Variants in CUX1 observed in about 807,000 individuals in gnomAD.
CUX1 encodes protein CASP.
Under a neutral mutation model 158.8 loss-of-function variants are expected in CUX1, and 31 were observed. The observed-to-expected ratio is 0.20, with a 90% CI of 0.15 to 0.26. The LOEUF is 0.26. Ranked by LOEUF, CUX1 falls within the 10% of genes least tolerant of loss-of-function variation. The pLI, the probability that CUX1 is intolerant of heterozygous loss-of-function variation, is 1.00. For synonymous variants in CUX1, 879 were observed against 862.1 expected (o/e 1.02, Z -0.34); for missense variants, 1,589 against 2,014.6 (o/e 0.79, Z 4.04).
At chr7:102,213,986 T>A (rs1554523900) in intron 20 of CUX1, among the ~76,000 whole-genome samples, 1 of 152,010 alleles carries the variant, frequency 6.6e-6, no homozygotes, top group Non-Finnish European at 1.5e-5. Context: ...TACAAAAAAA[T>A]TAGCTGGGTG....
chr7:102,137,614 C>T (rs530051818), intron 8 of CUX1, among the ~76,000 whole-genome samples: 1 of 152,022 alleles, frequency 6.6e-6, no homozygotes, highest in East Asian at 1.9e-4. Context: ...CCAGCCTGGG[C>T]GAGAAGAGTG....
intron 3 of CUX1, among the ~76,000 whole-genome samples, chr7:102,028,643 G>C (rs1203602825): frequency 2.0e-5 from 3 of 152,320 alleles, no homozygotes; most frequent in Admixed American, 6.5e-5. Flanking sequence ...GTAGAAGGAA[G>C]TGGTTTCTAA....
rs1443837908 is a variant in CUX1, at chr7:102,048,231, G to T, written c.189+20086G>T. ...CTCTCCTCCCCTCCACCCTCTCCTG[G>T]TCCTGTCCTGAAATCTTTGGCTCCC... On this transcript the variant is annotated intron_variant, in intron 3 of 23. Coordinates refer to ENST00000292535, the MANE Select transcript of CUX1 (RefSeq NM_181552.4). Among the ~76,000 whole-genome samples the T allele has an allele frequency of 3.9e-5, 6 of 152,174 alleles. No individual in the cohort carries two copies. The East Asian group carries it at 1.2e-3, about 29-fold the overall frequency.
intron 1 of CUX1, among the ~76,000 whole-genome samples, chr7:101,841,806 C>T (rs1258297714): frequency 1.3e-5 from 2 of 152,082 alleles, no homozygotes; most frequent in Admixed American, 6.6e-5. Flanking sequence ...ATGAGCCACC[C>T]ACCTCAGCCT....
At chr7:102,214,278 C>G (rs529595169) in intron 20 of CUX1, among the ~76,000 whole-genome samples, 28 of 152,278 alleles carry the variant, frequency 1.8e-4, no homozygotes, top group African/African-American at 5.3e-4. Context: ...AATCCCAACA[C>G]TTTGGGAGGC....
chr7:102,132,298 TGTGTGTGTGTGCGCGCGCGCGC>T (rs777493544), intron 8 of CUX1, among the ~76,000 whole-genome samples: 175 of 20,688 alleles, frequency 8.5e-3, no homozygotes, highest in Non-Finnish European at 0.012. Flanking sequence ...AGAGAGTGTG[TGTGTGTGTGTGCGCGCGCGCGC>T]GCGCACGCCA....
intron 1 of CUX1, among the ~76,000 whole-genome samples, chr7:101,853,701 G>A (rs139154121): frequency 6.6e-6 from 1 of 152,194 alleles, no homozygotes; most frequent in African/African-American, 2.4e-5. Flanking sequence ...CCCCAGGCAT[G>A]GGTATCAGTG....
At chr7:101,817,377 C>A (rs970105103), upstream of CUX1, 1 of 984,566 alleles carries the variant, frequency 1.0e-6, no homozygotes, top group African/African-American at 1.8e-5. This position sits in a 1 kb window ranked among gnomAD's most constrained non-coding sequence, Gnocchi z 4.1. Flanking sequence ...GATGCCTTCT[C>A]GGGCCGGGTT....
chr7:101,856,093 T>C (rs1266249997), intron 1 of CUX1, among the ~76,000 whole-genome samples: 1 of 143,344 alleles, frequency 7.0e-6, no homozygotes, highest in Admixed American at 7.2e-5. Context: ...GGCTGAAGGA[T>C]CGCTTGAGTC....
At chr7:102,020,663 T>C (rs1409208018) in intron 2 of CUX1, among the ~76,000 whole-genome samples, 1 of 152,156 alleles carries the variant, frequency 6.6e-6, no homozygotes, top group Non-Finnish European at 1.5e-5. Flanking sequence ...GTGGATCCCT[T>C]GAGGTCAGGA....
chr7:101,996,726 C>G (rs1378513765), intron 2 of CUX1, among the ~76,000 whole-genome samples: 3 of 146,528 alleles, frequency 2.0e-5, no homozygotes, highest in African/African-American at 7.6e-5. Context: ...TACTTCCTTC[C>G]TCTCTTCCTC....
intron 8 of CUX1, among the ~76,000 whole-genome samples, chr7:102,155,013 G>A (rs1409734077): frequency 1.3e-5 from 2 of 152,300 alleles, no homozygotes; most frequent in Non-Finnish European, 1.5e-5. Flanking sequence ...TTGTGGGTAC[G>A]CAGCAGCTAT....
chr7:102,151,513 C>T (rs1191098756), intron 8 of CUX1, among the ~76,000 whole-genome samples: 1 of 151,910 alleles, frequency 6.6e-6, no homozygotes, highest in African/African-American at 2.4e-5. Context: ...GAGATCATGC[C>T]ATTACACTCC....
chr7:102,015,442 G>A (rs1219730410), intron 2 of CUX1, among the ~76,000 whole-genome samples: 4 of 152,064 alleles, frequency 2.6e-5, no homozygotes, highest in Non-Finnish European at 5.9e-5. Flanking sequence ...TGGCCAGGCT[G>A]GTCTCGAACT....
intron 2 of CUX1, among the ~76,000 whole-genome samples, chr7:101,964,277 TG>T (rs1810867192): frequency 6.6e-6 from 1 of 151,814 alleles, no homozygotes; most frequent in Non-Finnish European, 1.5e-5. Flanking sequence ...TGCTTGAACC[TG>T]GGGGGCGGAG....
chr7:102,097,333 G>T, intron 4 of CUX1, 31 bp from the exon 5 acceptor site: 1 of 1,593,190 alleles, frequency 6.3e-7, no homozygotes, highest in Non-Finnish European at 8.5e-7. Flanking sequence ...TGCTGGCCGA[G>T]TGGGGTGATG....
intron 7 of CUX1, chr7:102,112,158 A>G (rs1830965227): frequency 6.2e-6 from 1 of 160,816 alleles, no homozygotes; most frequent in African/African-American, 2.4e-5. Context: ...GGAGAACAGT[A>G]ATTTCAGACC....
chr7:102,227,053 T>C (rs1798408690), intron 20 of CUX1, among the ~76,000 whole-genome samples: 1 of 152,178 alleles, frequency 6.6e-6, no homozygotes. Context: ...GGGGTTTCAT[T>C]AGAAGAAATG....
At chr7:102,199,529 C>T (rs1554519128) in intron 16 of CUX1, among the ~76,000 whole-genome samples, 1 of 152,204 alleles carries the variant, frequency 6.6e-6, no homozygotes, top group African/African-American at 2.4e-5. Context: ...GGCTCCTTTC[C>T]TCGTATGTAA....
Sources: allele counts gnomAD v4.1 joint callset (sites outside exome capture counted in the v4.1 genomes callset), GRCh38; gene constraint gnomAD v4.1.1; non-coding constraint Gnocchi (gnomAD v3.1); transcripts MANE v1.5; gene names NCBI Gene and HGNC (gene_info 2026-07-23, HGNC 2026-07-21).